Variants in CSMD2 observed in about 807,000 individuals in gnomAD.
CSMD2 encodes CUB and sushi domain-containing protein 2.
CSMD2 carries 130 observed loss-of-function variants against 398.5 expected under a neutral mutation model. The ratio of observed to expected loss-of-function variants is 0.33; its 90% CI spans 0.28 to 0.38. The LOEUF is 0.38. Ranked by LOEUF, CSMD2 falls within the 10% of genes least tolerant of loss-of-function variation. The probability of loss-of-function intolerance (pLI) is 1.00; values close to 1 mark genes in which losing one functional copy is unlikely to be tolerated. For synonymous variants in CSMD2, 1,828 were observed against 1,908.5 expected, an observed-to-expected ratio of 0.96 and a Z score of 1.10; for missense variants, 3,829 against 4,764.9, an observed-to-expected ratio of 0.80 and a Z score of 5.78.
intron 46 of CSMD2, among the ~76,000 whole-genome samples, chr1:33,585,610 G>C (rs1426514810): frequency 6.6e-6 from 1 of 152,168 alleles, no homozygotes; most frequent in Non-Finnish European, 1.5e-5. Context: ...ACCAGCACAG[G>C]GCACTGAGAT....
chr1:34,101,885 A>G (rs921382798), intron 1 of CSMD2, among the ~76,000 whole-genome samples: 1 of 152,130 alleles, frequency 6.6e-6, no homozygotes, highest in Non-Finnish European at 1.5e-5. Flanking sequence ...TAAATCTTCT[A>G]TTAGGTCTTA....
intron 10 of CSMD2, among the ~76,000 whole-genome samples, chr1:33,798,069 AC>A (rs1290225825): frequency 2.0e-5 from 3 of 152,354 alleles, no homozygotes; most frequent in South Asian, 4.1e-4. Flanking sequence ...TGCACAATGT[AC>A]TAGCACTCTC....
chr1:33,785,126 C>T (rs1447032197), intron 12 of CSMD2, among the ~76,000 whole-genome samples: 1 of 152,218 alleles, frequency 6.6e-6, no homozygotes, highest in Non-Finnish European at 1.5e-5. Flanking sequence ...GAGCAGCATT[C>T]ACATAGCATA....
intron 1 of CSMD2, among the ~76,000 whole-genome samples, chr1:34,125,161 G>A (rs1326465187): frequency 1.3e-5 from 2 of 152,162 alleles, no homozygotes; most frequent in Non-Finnish European, 1.5e-5. Context: ...ATGGCTTCCT[G>A]GCAGAGGTAA....
At chr1:34,025,169 G>A (rs566345436) in intron 3 of CSMD2, among the ~76,000 whole-genome samples, 6 of 152,204 alleles carry the variant, frequency 3.9e-5, no homozygotes, top group Non-Finnish European at 8.8e-5. Context: ...CCTCACAGAT[G>A]AGTCTGTCTA....
At chr1:33,741,419 C>A (rs1396585109) in intron 14 of CSMD2, among the ~76,000 whole-genome samples, 1 of 152,132 alleles carries the variant, frequency 6.6e-6, no homozygotes, top group East Asian at 1.9e-4. Flanking sequence ...CAGAAGCCTA[C>A]CAAAAATGTA....
At chr1:34,094,623 A>T (rs1356363255) in intron 1 of CSMD2, among the ~76,000 whole-genome samples, 63 of 151,602 alleles carry the variant, frequency 4.2e-4, no homozygotes, top group Non-Finnish European at 6.5e-4. Context: ...TCTCTGATAA[A>T]ACAGACTTTA....
intron 5 of CSMD2, among the ~76,000 whole-genome samples, chr1:33,908,990 A>C (rs1221264511): frequency 6.6e-6 from 1 of 152,182 alleles, no homozygotes; most frequent in African/African-American, 2.4e-5. Flanking sequence ...TCAAGGAAGG[A>C]GAGAGAAGCA....
At chr1:33,674,004 C>T (rs749167341) in intron 25 of CSMD2, among the ~76,000 whole-genome samples, 18 of 152,198 alleles carry the variant, frequency 1.2e-4, no homozygotes, top group Non-Finnish European at 2.6e-4. Flanking sequence ...CGCTGCAAAA[C>T]ATGCCAAATT....
At chr1:33,608,418 C>T (rs560311164) in intron 41 of CSMD2, among the ~76,000 whole-genome samples, 9 of 152,190 alleles carry the variant, frequency 5.9e-5, no homozygotes, top group African/African-American at 1.9e-4. Context: ...TATATTTATC[C>T]GAGAAGGAAG....
chr1:34,039,741 T>C (rs1187154479), intron 2 of CSMD2, among the ~76,000 whole-genome samples: 1 of 152,116 alleles, frequency 6.6e-6, no homozygotes, highest in Admixed American at 6.5e-5. Flanking sequence ...AGGTTTAGGA[T>C]TGCCTAGTTT....
intron 44 of CSMD2, 24 bp downstream of exon 44, chr1:33,600,841 A>G (rs1011003464): frequency 6.2e-7 from 1 of 1,612,992 alleles, no homozygotes; most frequent in African/African-American, 1.3e-5. Flanking sequence ...GGCCCTTCCC[A>G]CCAGGCCAGG....
intron 29 of CSMD2, among the ~76,000 whole-genome samples, chr1:33,639,331 G>T (rs1642979898): frequency 6.6e-6 from 1 of 152,222 alleles, no homozygotes. Context: ...TTGGGTAACT[G>T]CTGCACCAGC....
intron 3 of CSMD2, among the ~76,000 whole-genome samples, chr1:34,013,905 A>G (rs1323058232): frequency 6.6e-6 from 1 of 152,016 alleles, no homozygotes; most frequent in Non-Finnish European, 1.5e-5. Flanking sequence ...AGTTCCTCCC[A>G]TATTCCTGGC....
At chr1:34,074,903 G>A (rs1231793703) in intron 2 of CSMD2, among the ~76,000 whole-genome samples, 1 of 152,192 alleles carries the variant, frequency 6.6e-6, no homozygotes, top group Admixed American at 6.5e-5. Flanking sequence ...GGCAGATGGA[G>A]GGGGTTCATC....
At chr1:33,906,862 G>C (rs1337779017) in intron 5 of CSMD2, among the ~76,000 whole-genome samples, 3 of 152,026 alleles carry the variant, frequency 2.0e-5, no homozygotes, top group African/African-American at 7.3e-5. Context: ...GGAGTGAGCA[G>C]AGCAGTACAG....
At chr1:33,872,981 T>G (rs973901176) in intron 5 of CSMD2, among the ~76,000 whole-genome samples, 2 of 152,190 alleles carry the variant, frequency 1.3e-5, no homozygotes, top group Non-Finnish European at 2.9e-5. Flanking sequence ...CCTCACATTT[T>G]CCTCCCTTTG....
chr1:33,803,965 A>G (rs1411851222), intron 10 of CSMD2, among the ~76,000 whole-genome samples: 2 of 152,220 alleles, frequency 1.3e-5, no homozygotes, highest in Admixed American at 6.5e-5. Context: ...ATGTAAGTGC[A>G]TGGGCTTTGG....
chr1:33,927,681 A>T (rs1209089385), intron 4 of CSMD2, among the ~76,000 whole-genome samples: 1 of 152,064 alleles, frequency 6.6e-6, no homozygotes, highest in Non-Finnish European at 1.5e-5. Context: ...CAGTCACTAT[A>T]ATCCTGTTCC....
Sources: allele counts gnomAD v4.1 joint callset (sites outside exome capture counted in the v4.1 genomes callset), GRCh38; gene constraint gnomAD v4.1.1; transcripts MANE v1.5; gene names NCBI Gene and HGNC (gene_info 2026-07-23, HGNC 2026-07-21).